RHAG: variants seen among roughly 807,000 people sequenced by gnomAD.
RHAG encodes Rh associated glycoprotein, also known as ammonium transporter Rh type A.
RHAG carries 25 observed loss-of-function variants against 42.4 expected under a neutral mutation model. The observed-to-expected ratio is 0.59, with a 90% CI of 0.43 to 0.82. RHAG has a LOEUF of 0.82. RHAG is among the 40% of genes least tolerant of loss of function. The probability of loss-of-function intolerance (pLI) is 0.00; values close to 1 mark genes in which losing one functional copy is unlikely to be tolerated. For missense variants in RHAG, 483 were observed against 504.6 expected (o/e 0.96, Z 0.41); for synonymous variants, 182 against 177.7 (o/e 1.02, Z -0.19).
At chr6:49,616,643 A>G (rs1762660101) in intron 3 of RHAG, among the ~76,000 whole-genome samples, 1 of 152,184 alleles carries the variant, frequency 6.6e-6, no homozygotes, top group African/African-American at 2.4e-5. Context: ...GTCAAATTGT[A>G]CTTATAGACA....
intron 1 of RHAG, chr6:49,632,110 C>T (rs1417471370): frequency 6.6e-6 from 1 of 152,124 alleles, no homozygotes; most frequent in Non-Finnish European, 1.5e-5. Context: ...ATTCTAGGAT[C>T]GTATTTGCCT....
intron 4 of RHAG, 60 bp from the exon 5 acceptor site, chr6:49,614,913 C>A (rs1024334450): frequency 4.1e-6 from 6 of 1,453,846 alleles, no homozygotes. Flanking sequence ...CCAGAGGATG[C>A]AGTTTGCTTT....
chr6:49,629,653 G>A (rs936213936), intron 1 of RHAG, among the ~76,000 whole-genome samples: 1 of 152,166 alleles, frequency 6.6e-6, no homozygotes, highest in East Asian at 1.9e-4. Context: ...GGGGGTGGGG[G>A]GCTCAGGCAT....
At chr6:49,618,007 GT>G (rs935362577) in intron 3 of RHAG, 60 bp downstream of exon 3, 112 of 1,511,480 alleles carry the variant, frequency 7.4e-5, no homozygotes, top group East Asian at 4.5e-5. Flanking sequence ...GACACCCATT[GT>G]TTTTTTGTAG....
chr6:49,612,252 G>T, intron 6 of RHAG, 145 bp downstream of exon 6: 1 of 786,946 alleles, frequency 1.3e-6, no homozygotes, highest in East Asian at 2.6e-5. Context: ...ACTGAAATGG[G>T]AGTGGTATTT....
chr6:49,611,740 C>CTT (rs796656135), intron 6 of RHAG, among the ~76,000 whole-genome samples: 30 of 143,598 alleles, frequency 2.1e-4, no homozygotes, highest in African/African-American at 4.6e-4. Flanking sequence ...CTAAATCTCT[C>CTT]TTTTTTTTTT....
intron 2 of RHAG, among the ~76,000 whole-genome samples, chr6:49,618,765 G>A (rs879186312): frequency 3.3e-5 from 5 of 152,172 alleles, no homozygotes; most frequent in Admixed American, 6.5e-5. Context: ...CCAGAGAAAC[G>A]ATTGATTTGA....
At chr6:49,618,621 A>G (rs1273835904) in intron 2 of RHAG, among the ~76,000 whole-genome samples, 2 of 152,200 alleles carry the variant, frequency 1.3e-5, no homozygotes, top group Non-Finnish European at 2.9e-5. Flanking sequence ...AAGTCAAACC[A>G]GAGAGGTTAC....
At chr6:49,617,854 C>A (rs982412298) in intron 3 of RHAG, among the ~76,000 whole-genome samples, 1 of 152,046 alleles carries the variant, frequency 6.6e-6, no homozygotes, top group Non-Finnish European at 1.5e-5. Flanking sequence ...AAAAATAATA[C>A]GTACAATGCA....
At chr6:49,607,316 C>T (rs904574917) in intron 7 of RHAG, 96 bp from the exon 8 acceptor site, 2 of 883,732 alleles carry the variant, frequency 2.3e-6, no homozygotes, top group African/African-American at 3.3e-5. Flanking sequence ...CATCTTCAGG[C>T]CAGAGTGTAA....
chr6:49,607,238 A>G lies in RHAG; in HGVS notation c.1068-18T>C. The G allele has an allele frequency of 1.9e-6, 3 of 1,606,734 alleles. No homozygotes were observed. The highest frequency in any genetic ancestry group is 2.6e-6 in the Non-Finnish European group (3 of 1,174,446). On this transcript the variant is annotated intron_variant, in intron 7 of 9. Transcript: ENST00000371175. Reference sequence around the variant, plus strand: ...CCATAGACCTAAGGAAGCAAACAAAAAAGAATCAGTGTCTTTCCTGGATCT... The same window carrying G: ...CCATAGACCTAAGGAAGCAAACAAAGAAGAATCAGTGTCTTTCCTGGATCT...
intron 1 of RHAG, among the ~76,000 whole-genome samples, chr6:49,623,737 G>A (rs1394915159): frequency 1.3e-5 from 2 of 152,198 alleles, no homozygotes; most frequent in African/African-American, 2.4e-5. Flanking sequence ...CCACAAGGAA[G>A]TATTGGGCTC....
intron 2 of RHAG, among the ~76,000 whole-genome samples, chr6:49,618,752 C>T (rs921378938): frequency 1.8e-4 from 28 of 152,286 alleles, no homozygotes; most frequent in African/African-American, 6.7e-4. Flanking sequence ...TGACAGGGGA[C>T]TACCAGAGAA....
chr6:49,606,537 G>A (rs1774166934), intron 9 of RHAG, among the ~76,000 whole-genome samples: 1 of 151,660 alleles, frequency 6.6e-6, no homozygotes, highest in South Asian at 2.1e-4. Flanking sequence ...CTATAAATAG[G>A]TAGTTCATTC....
intron 1 of RHAG, among the ~76,000 whole-genome samples, chr6:49,624,989 A>T (rs1762822299): frequency 6.6e-6 from 1 of 152,194 alleles, no homozygotes; most frequent in Admixed American, 6.5e-5. Flanking sequence ...ATATATCTTT[A>T]TATATTTTAA....
intron 1 of RHAG, among the ~76,000 whole-genome samples, chr6:49,636,354 A>G (rs1469509670): frequency 3.3e-5 from 5 of 152,164 alleles, no homozygotes; most frequent in African/African-American, 1.2e-4. Flanking sequence ...TTTTCTTTGC[A>G]GAACTAGTGA....
At chr6:49,628,872 A>G (rs1762888323) in intron 1 of RHAG, among the ~76,000 whole-genome samples, 1 of 152,168 alleles carries the variant, frequency 6.6e-6, no homozygotes, top group African/African-American at 2.4e-5. Flanking sequence ...GAGCAGTAGC[A>G]AGATTTATTG....
At chr6:49,606,757 C>G in intron 9 of RHAG, 91 bp downstream of exon 9, 7 of 891,444 alleles carry the variant, frequency 7.9e-6, no homozygotes, top group Non-Finnish European at 1.3e-5. Context: ...TTTCATCACA[C>G]CTATGCACAC....
chr6:49,612,594 C>G, intron 5 of RHAG, 60 bp from the exon 6 acceptor site: 1 of 1,600,780 alleles, frequency 6.2e-7, no homozygotes, highest in Non-Finnish European at 8.6e-7. Context: ...TCAGAAGGAT[C>G]AGAGGATTCT....
Sources: allele counts gnomAD v4.1 joint callset (sites outside exome capture counted in the v4.1 genomes callset), GRCh38; gene constraint gnomAD v4.1.1; transcripts MANE v1.5; gene names NCBI Gene and HGNC (gene_info 2026-07-23, HGNC 2026-07-21).